HUNK: variants seen among roughly 807,000 people sequenced by gnomAD.
The protein encoded by HUNK is hormonally up-regulated Neu-associated kinase.
Under a neutral mutation model 61.0 loss-of-function variants are expected in HUNK, and 21 were observed. The observed-to-expected ratio is 0.34, with a 90% CI of 0.24 to 0.50. The LOEUF (loss-of-function observed/expected upper bound fraction) is 0.50, where lower values mean the gene tolerates loss of function less well. Among genes scored for constraint, HUNK ranks in the 20% least tolerant of loss-of-function variants. The pLI is 0.98. For missense variants in HUNK, 772 were observed against 945.7 expected (o/e 0.82, Z 2.41); for synonymous variants, 371 against 386.1 (o/e 0.96, Z 0.46).
intron 4 of HUNK, among the ~76,000 whole-genome samples, chr21:31,949,036 T>G (rs60149239): frequency 0.02 from 3,049 of 152,262 alleles, 99 homozygotes; most frequent in African/African-American, 0.069. Context: ...GACAGTCCTG[T>G]GAGACACATC....
intron 1 of HUNK, among the ~76,000 whole-genome samples, chr21:31,892,756 G>C (rs376687289): frequency 2.4e-4 from 37 of 152,126 alleles, no homozygotes; most frequent in African/African-American, 8.7e-4. Flanking sequence ...AAGGATAAAG[G>C]GAGGTGAGGA....
intron 1 of HUNK, among the ~76,000 whole-genome samples, chr21:31,912,226 G>A (rs1002488913): frequency 2.0e-5 from 3 of 152,114 alleles, no homozygotes; most frequent in Admixed American, 2.0e-4. Context: ...TTCCTGACGC[G>A]GTGCTGGACA....
chr21:31,875,507 G>A (rs1424769118), intron 1 of HUNK, among the ~76,000 whole-genome samples: 1 of 132,362 alleles, frequency 7.6e-6, no homozygotes, highest in Admixed American at 8.1e-5. Context: ...AAAGAAAAAG[G>A]AAAAACCTCC....
At chr21:31,898,219 T>C (rs920024676) in intron 1 of HUNK, among the ~76,000 whole-genome samples, 1 of 152,092 alleles carries the variant, frequency 6.6e-6, no homozygotes, top group African/African-American at 2.4e-5. Flanking sequence ...AAAACCATTT[T>C]ATGTTTTGTG....
intron 1 of HUNK, among the ~76,000 whole-genome samples, chr21:31,921,387 G>C (rs2052621631): frequency 6.6e-6 from 1 of 151,578 alleles, no homozygotes; most frequent in Admixed American, 6.6e-5. Context: ...GAAGGAAGGT[G>C]CGGGGGAGTC....
At chr21:31,973,772 T>A (rs2123852396) in intron 6 of HUNK, among the ~76,000 whole-genome samples, 1 of 152,284 alleles carries the variant, frequency 6.6e-6, no homozygotes, top group South Asian at 2.1e-4. Context: ...GTCATGATAG[T>A]ACCTACTCAT....
intron 1 of HUNK, among the ~76,000 whole-genome samples, chr21:31,876,855 T>C (rs1407488788): frequency 6.6e-6 from 1 of 152,166 alleles, no homozygotes; most frequent in East Asian, 1.9e-4. Flanking sequence ...ACTGTGTTGC[T>C]CAGGCTGGTC....
intron 3 of HUNK, 33 bp downstream of exon 3, chr21:31,940,253 T>C: frequency 1.5e-6 from 2 of 1,370,392 alleles, no homozygotes; most frequent in Non-Finnish European, 2.0e-6. Context: ...AGCAAAAGTA[T>C]CTTTTAAGTG....
chr21:31,914,453 C>T (rs575191710), intron 1 of HUNK, among the ~76,000 whole-genome samples: 6 of 150,382 alleles, frequency 4.0e-5, no homozygotes, highest in Non-Finnish European at 7.4e-5. Context: ...GGCCCTAGCC[C>T]GCAGTGAATG....
intron 1 of HUNK, among the ~76,000 whole-genome samples, 158 bp downstream of exon 1, chr21:31,874,093 G>A (rs2052238613): frequency 9.4e-6 from 1 of 106,184 alleles, no homozygotes; most frequent in East Asian, 3.0e-4. Flanking sequence ...CGCGCGCTCA[G>A]CATCTCGCAG....
intron 1 of HUNK, among the ~76,000 whole-genome samples, chr21:31,923,852 TG>T: frequency 6.6e-6 from 1 of 151,948 alleles, no homozygotes; most frequent in African/African-American, 2.4e-5. Context: ...GTCCTGACAG[TG>T]GGGGCCAAGT....
In HUNK at chr21:32,001,261, G is replaced by C. The variant is rs1367429877; in HGVS notation, c.*2077G>C. The C allele has an allele frequency of 1.3e-5, 2 of 152,328 alleles. No individual in the cohort carries two copies. The highest frequency in any genetic ancestry group is 2.9e-5 in the Non-Finnish European group (2 of 68,188). The allele number at this position is 152,328 out of a possible 1,614,324, so 9.4% of individuals were successfully genotyped here. A position where few individuals can be genotyped will look rare whatever the true frequency, so the allele number is the denominator to read the frequency against. On this transcript the variant is annotated 3_prime_UTR_variant, in exon 11 of 11. Coordinates refer to ENST00000270112, the MANE Select transcript of HUNK (RefSeq NM_014586.2). ...ACTGCACTCCAGCTTAGGTGGCAAAGTGAGACCCTGTCTCCAAAAAAAGAA... is the reference window on the plus strand; with the variant it reads ...ACTGCACTCCAGCTTAGGTGGCAAACTGAGACCCTGTCTCCAAAAAAAGAA...
At chr21:31,906,434 T>G (rs1474651521) in intron 1 of HUNK, among the ~76,000 whole-genome samples, 1 of 152,130 alleles carries the variant, frequency 6.6e-6, no homozygotes, top group Non-Finnish European at 1.5e-5. Context: ...TTGCCGTTGT[T>G]GTTTGTTTAA....
chr21:31,979,307 C>T (rs375023564), intron 7 of HUNK, among the ~76,000 whole-genome samples: 12 of 151,538 alleles, frequency 7.9e-5, no homozygotes, highest in South Asian at 4.2e-4. Flanking sequence ...TTAGTAGAGA[C>T]GGGGTTTCAC....
intron 6 of HUNK, among the ~76,000 whole-genome samples, chr21:31,973,581 G>GAGATGA (rs2053028085): frequency 6.7e-6 from 1 of 150,202 alleles, no homozygotes; most frequent in African/African-American, 2.5e-5. Context: ...GATGGTGGTG[G>GAGATGA]TGATGATGAT....
chr21:31,984,551 C>T (rs2053120123), intron 8 of HUNK, among the ~76,000 whole-genome samples: 1 of 152,092 alleles, frequency 6.6e-6, no homozygotes, highest in East Asian at 1.9e-4. Flanking sequence ...CTGGGACGTA[C>T]CTAGAGAAAA....
At chr21:31,895,593 A>C (rs1489818363) in intron 1 of HUNK, among the ~76,000 whole-genome samples, 1 of 152,190 alleles carries the variant, frequency 6.6e-6, no homozygotes, top group South Asian at 2.1e-4. Context: ...TGACAGAGGA[A>C]AATTTCAGCA....
intron 1 of HUNK, among the ~76,000 whole-genome samples, chr21:31,878,858 T>A (rs2052285521): frequency 1.3e-5 from 2 of 152,220 alleles, no homozygotes; most frequent in Non-Finnish European, 1.5e-5. Context: ...CATGCCACTG[T>A]TACCTTTTTT....
chr21:31,969,558 T>G (rs2052995722), intron 6 of HUNK, among the ~76,000 whole-genome samples: 1 of 151,862 alleles, frequency 6.6e-6, no homozygotes, highest in Non-Finnish European at 1.5e-5. Flanking sequence ...TTAAAAAACA[T>G]TTCTCTTTTT....
Sources: allele counts gnomAD v4.1 joint callset (sites outside exome capture counted in the v4.1 genomes callset), GRCh38; gene constraint gnomAD v4.1.1; transcripts MANE v1.5; gene names NCBI Gene and HGNC (gene_info 2026-07-23, HGNC 2026-07-21).